Variants in TF observed in about 807,000 individuals in gnomAD.
TF encodes the protein serotransferrin.
A neutral mutation model predicts 82.4 loss-of-function variants in TF; 55 were observed. The ratio of observed to expected loss-of-function variants is 0.67; its 90% CI spans 0.54 to 0.84. TF has a LOEUF of 0.84. Among genes scored for constraint, TF ranks in the 40% least tolerant of loss-of-function variants. TF has a pLI of 0.00. For missense variants in TF, 737 were observed against 868.4 expected (o/e 0.85, Z 1.90); for synonymous variants, 332 against 332.6 (o/e 1.00, Z 0.02).
upstream of TF, among the ~76,000 whole-genome samples, chr3:133,741,275 G>C (rs1032021725): frequency 1.1e-4 from 16 of 152,078 alleles, no homozygotes; most frequent in Non-Finnish European, 1.9e-4. Flanking sequence ...TTATAGACAT[G>C]AGCCACCATG....
At chr3:133,746,379 G>A (rs1933497698), upstream of TF, 5 of 1,546,036 alleles carry the variant, frequency 3.2e-6, no homozygotes, top group Non-Finnish European at 4.4e-6. Flanking sequence ...GGGACGCGGG[G>A]CGCCGGAGGC....
At chr3:133,778,546 G>T in intron 16 of TF, 40 bp from the exon 17 acceptor site, 1 of 1,607,704 alleles carries the variant, frequency 6.2e-7, no homozygotes, top group South Asian at 1.1e-5. Flanking sequence ...ATAAATATAG[G>T]AAGATTTTGA....
chr3:133,682,259 G>A, the TF span, among the ~76,000 whole-genome samples: 4 of 152,190 alleles, frequency 2.6e-5, no homozygotes, highest in African/African-American at 9.7e-5. Context: ...AGAAACCAGA[G>A]CAGAAAAGCT....
chr3:133,766,496 G>A, intron 12 of TF, 63 bp downstream of exon 12: 3 of 1,607,626 alleles, frequency 1.9e-6, no homozygotes, highest in Non-Finnish European at 2.6e-6. Flanking sequence ...TCCTGCCTTA[G>A]GGAAGAGGAG....
the TF span, among the ~76,000 whole-genome samples, chr3:133,730,016 C>A: frequency 6.6e-6 from 1 of 152,088 alleles, no homozygotes; most frequent in Non-Finnish European, 1.5e-5. Flanking sequence ...ATTGTGGTGT[C>A]ATATTCTCTT....
At chr3:133,679,647 A>G in the TF span, among the ~76,000 whole-genome samples, 1 of 111,096 alleles carries the variant, frequency 9.0e-6, no homozygotes, top group Admixed American at 1.2e-4. Context: ...AGCATGCTTC[A>G]TTGCTTTTTA....
the TF span, among the ~76,000 whole-genome samples, chr3:133,696,221 A>G: frequency 2.0e-5 from 3 of 152,090 alleles, no homozygotes; most frequent in Non-Finnish European, 4.4e-5. Context: ...GCCTCCAACC[A>G]GGAGTTGGAG....
At chr3:133,685,174 C>T in the TF span, among the ~76,000 whole-genome samples, 31 of 152,284 alleles carry the variant, frequency 2.0e-4, no homozygotes, top group African/African-American at 7.2e-4. Flanking sequence ...TAAAAACTCT[C>T]AATAAATTAG....
At chr3:133,729,073 T>C in the TF span, among the ~76,000 whole-genome samples, 2 of 151,964 alleles carry the variant, frequency 1.3e-5, no homozygotes, top group African/African-American at 4.8e-5. Flanking sequence ...TACTGGGGGG[T>C]GCCTCCCAGT....
the TF span, among the ~76,000 whole-genome samples, chr3:133,727,727 G>C: frequency 7.7e-6 from 1 of 129,656 alleles, no homozygotes. Context: ...TTGCTCGTTA[G>C]TTGATGCAGT....
In TF at chr3:133,766,401, T is replaced by C. The variant is rs1305648935; in HGVS notation, c.1454T>C (p.Leu485Pro). The change falls in exon 12 of 17, where the codon CTG (leucine) becomes CCG (proline). Residue 485 changes from leucine (L) to proline (P), a missense_variant. Leu to Pro is a moderately conservative substitution (Grantham distance 98, BLOSUM62 -3). Transcript: ENST00000402696. ...RTAGWNIPMG[L>P]LYNKINHCRF... ...GCTGGCTGGAACATCCCCATGGGCC[T>C]GCTCTACAATAAGATCAACCACTGC... 1 of 1,614,216 alleles carries C rather than the reference T, an allele frequency of 6.2e-7. No individual in the cohort carries two copies. Among genetic ancestry groups the C allele is most frequent in the African/African-American group, 1.3e-5 (1 of 75,054 alleles).
the TF span, among the ~76,000 whole-genome samples, chr3:133,671,722 G>A: frequency 1.3e-5 from 2 of 151,716 alleles, no homozygotes; most frequent in African/African-American, 4.8e-5. Flanking sequence ...GAACCCAGGA[G>A]GCGGAGGTTA....
chr3:133,674,871 A>G, the TF span, among the ~76,000 whole-genome samples: 1 of 152,198 alleles, frequency 6.6e-6, no homozygotes, highest in Non-Finnish European at 1.5e-5. Context: ...ATTGCAGACT[A>G]TGACTAGCTG....
At chr3:133,715,191 C>T in the TF span, among the ~76,000 whole-genome samples, 1 of 152,336 alleles carries the variant, frequency 6.6e-6, no homozygotes, top group Non-Finnish European at 1.5e-5. Flanking sequence ...CCCACTACCC[C>T]ATTTCTCCTA....
At chr3:133,694,830 T>C in the TF span, among the ~76,000 whole-genome samples, 3 of 151,814 alleles carry the variant, frequency 2.0e-5, no homozygotes, top group Admixed American at 2.0e-4. Flanking sequence ...AGTCTCCATG[T>C]AAAGGCTTTA....
chr3:133,725,563 C>G, the TF span, among the ~76,000 whole-genome samples: 1 of 152,046 alleles, frequency 6.6e-6, no homozygotes, highest in Non-Finnish European at 1.5e-5. Context: ...TGGGCTGAGA[C>G]AATGGGGTTT....
Position 133,756,940 on chromosome 3 carries a change from T to G in TF, c.801T>G (p.Ser267=), listed in dbSNP as rs755416326. The G allele has an allele frequency of 4.3e-6, 7 of 1,613,994 alleles. No homozygotes were observed. The highest frequency in any genetic ancestry group is 5.9e-6 in the Non-Finnish European group (7 of 1,179,996). ...ACTGCCACTTGGCCCAGGTCCCTTC[T>G]CATACCGTCGTGGCCCGAAGTATGG... ...YKDCHLAQVP[S]HTVVARSMGG... The change falls in exon 7 of 17, where the codon TCT becomes TCG. Residue 267 remains serine (S), a synonymous_variant. Transcript: ENST00000402696.
chr3:133,737,224 A>T, the TF span, among the ~76,000 whole-genome samples: 1 of 152,244 alleles, frequency 6.6e-6, no homozygotes, highest in Admixed American at 6.5e-5. Flanking sequence ...TACTGGGTAA[A>T]TAACGAAATT....
At position 133,766,318 on chromosome 3, in the gene TF, C is replaced by A. The variant is rs763678438; in HGVS notation, c.1371C>A (p.Asp457Glu). The A allele has an allele frequency of 6.2e-7, 1 of 1,614,194 alleles. No individual in the cohort carries two copies. The highest frequency in any genetic ancestry group is 1.1e-5 in the South Asian group (1 of 91,080). Residue 457 changes from aspartate (D) to glutamate (E), a missense_variant, in exon 12 of 17, where the codon GAC becomes GAA. By Grantham distance (45) the Asp-to-Glu change is conservative. Coordinates refer to ENST00000402696, the MANE Select transcript of TF (RefSeq NM_001063.4). ...AIAVVKKSAS[D>E]LTWDNLKGKK... is the part of the protein sequence containing the mutation. ...CAGTGGTGAAGAAATCAGCTTCTGA[C>A]CTCACCTGGGACAATCTGAAAGGCA...
Sources: allele counts gnomAD v4.1 joint callset (sites outside exome capture counted in the v4.1 genomes callset), GRCh38; gene constraint gnomAD v4.1.1; transcripts MANE v1.5; gene names NCBI Gene and HGNC (gene_info 2026-07-23, HGNC 2026-07-21).